The following STOX1 variants were observed in gnomAD, a reference collection of about 807,000 sequenced individuals.
STOX1 encodes the protein storkhead box 1, also known as storkhead-box protein 1.
Under a neutral mutation model 74.8 loss-of-function variants are expected in STOX1, and 57 were observed. The ratio of observed to expected loss-of-function variants is 0.76; its 90% CI spans 0.62 to 0.95. The LOEUF (loss-of-function observed/expected upper bound fraction) is 0.95. STOX1 is among the 40% of genes least tolerant of loss of function. The pLI, the probability that STOX1 is intolerant of heterozygous loss-of-function variation, is 0.00. For synonymous variants in STOX1, 375 were observed against 401.3 expected, an observed-to-expected ratio of 0.93 and a Z score of 0.78; for missense variants, 1,010 against 1,117.0, an observed-to-expected ratio of 0.90 and a Z score of 1.37.
At chr10:68,831,916 T>A (rs1839421918) in intron 1 of STOX1, among the ~76,000 whole-genome samples, 1 of 119,500 alleles carries the variant, frequency 8.4e-6, no homozygotes, top group Non-Finnish European at 1.8e-5. Context: ...AATGTTGTAT[T>A]TTCTTTTCTT....
intron 1 of STOX1, among the ~76,000 whole-genome samples, chr10:68,865,938 C>G (rs1053020725): frequency 3.3e-5 from 5 of 152,074 alleles, no homozygotes; most frequent in Non-Finnish European, 5.9e-5. Context: ...GGGATAGGAT[C>G]TGGAGGCTTA....
At chr10:68,851,648 C>T (rs113743246) in intron 1 of STOX1, among the ~76,000 whole-genome samples, 9,012 of 152,164 alleles carry the variant, frequency 0.059, 346 homozygotes, top group Non-Finnish European at 0.086. Flanking sequence ...CAAGACCAGC[C>T]TAGCCAACAT....
At chr10:68,876,491 G>A (rs1012791053) in intron 1 of STOX1, among the ~76,000 whole-genome samples, 9 of 136,876 alleles carry the variant, frequency 6.6e-5, no homozygotes, top group Non-Finnish European at 1.1e-4. Context: ...AAATCCTTTC[G>A]TAGTACAGCA....
At chr10:68,865,372 G>C (rs567393083) in intron 1 of STOX1, among the ~76,000 whole-genome samples, 1 of 152,188 alleles carries the variant, frequency 6.6e-6, no homozygotes, top group African/African-American at 2.4e-5. Flanking sequence ...GTTTTTGGCC[G>C]GGCGCAGTGG....
At chr10:68,847,920 G>A (rs1412394228) in intron 1 of STOX1, among the ~76,000 whole-genome samples, 2 of 152,058 alleles carry the variant, frequency 1.3e-5, no homozygotes, top group African/African-American at 2.4e-5. Context: ...TAGTAGAGAC[G>A]GGGTTTCTCC....
intron 1 of STOX1, among the ~76,000 whole-genome samples, chr10:68,835,657 G>A (rs1839529047): frequency 1.3e-5 from 2 of 152,236 alleles, no homozygotes; most frequent in Non-Finnish European, 2.9e-5. Flanking sequence ...TGCCTGGCCT[G>A]TTTTTAAACA....
intron 1 of STOX1, among the ~76,000 whole-genome samples, chr10:68,876,235 G>A (rs1418703094): frequency 1.3e-5 from 2 of 151,646 alleles, no homozygotes; most frequent in South Asian, 2.1e-4. Flanking sequence ...TCGGCTCACC[G>A]CAACCTCTGC....
Position 68,886,497 on chromosome 10 carries a change from T to G in STOX1, c.2701T>G (p.Phe901Val), listed in dbSNP as rs1840962320. The G allele has an allele frequency of 6.2e-7, 1 of 1,613,772 alleles. No homozygotes were observed. The highest frequency in any genetic ancestry group is 8.5e-7 in the Non-Finnish European group (1 of 1,179,934). ...AATGAGAAAACATTTCCCACAAAAGTTCCAACTTTTCAACACTTCACATAT... is the reference window on the plus strand; with the variant it reads ...AATGAGAAAACATTTCCCACAAAAGGTCCAACTTTTCAACACTTCACATAT... ...QEMRKHFPQK[F>V]QLFNTSHMPV... The change falls in exon 3 of 4, where the codon TTC (phenylalanine) becomes GTC (valine). Residue 901 changes from phenylalanine (F) to valine (V), a missense_variant. Phe to Val is a conservative substitution (Grantham distance 50). Transcript: ENST00000298596.
intron 1 of STOX1, among the ~76,000 whole-genome samples, chr10:68,867,231 C>G (rs375871164): frequency 1.9e-4 from 29 of 152,108 alleles, no homozygotes; most frequent in East Asian, 1.3e-3. Context: ...AGGTGTGAGC[C>G]ACCGTGCCTG....
chr10:68,843,747 CAG>C (rs918982127), intron 1 of STOX1, among the ~76,000 whole-genome samples: 3 of 152,038 alleles, frequency 2.0e-5, no homozygotes, highest in Admixed American at 2.0e-4. Context: ...TAAGTAGAGA[CAG>C]AGTTTCACCA....
chr10:68,865,949 A>G (rs188089270), intron 1 of STOX1, among the ~76,000 whole-genome samples: 151 of 152,218 alleles, frequency 9.9e-4, no homozygotes, highest in African/African-American at 3.4e-3. Flanking sequence ...TGGAGGCTTA[A>G]CAATGGCCAC....
chr10:68,849,860 T>G (rs1839936816), intron 1 of STOX1, among the ~76,000 whole-genome samples: 1 of 152,208 alleles, frequency 6.6e-6, no homozygotes, highest in Non-Finnish European at 1.5e-5. Context: ...CCGAATCCTC[T>G]TCTCCTAAAC....
chr10:68,856,770 G>A (rs1157150844), intron 1 of STOX1, among the ~76,000 whole-genome samples: 2 of 152,054 alleles, frequency 1.3e-5, no homozygotes, highest in Non-Finnish European at 2.9e-5. Context: ...AGGAGACAGC[G>A]ACAGAAACTT....
chr10:68,884,957 G>GA lies in STOX1; in HGVS notation c.1167dup (p.Tyr390IlefsTer2), dbSNP rs777713498. ...TCCTAATGCAAAAATACGAAGAACA[G>GA]AAAAAATATAATAGCCAGGGCACTT... On this transcript the variant is annotated frameshift_variant, in exon 3 of 4. Coordinates refer to ENST00000298596, the MANE Select transcript of STOX1 (RefSeq NM_152709.5). LOFTEE classifies it high-confidence loss of function. The GA allele has an allele frequency of 1.9e-6, 3 of 1,614,074 alleles. No homozygotes were observed. Among genetic ancestry groups the GA allele is most frequent in the Non-Finnish European group, 1.7e-6 (2 of 1,180,014 alleles).
At chr10:68,846,127 T>TATTATC (rs989517274) in intron 1 of STOX1, among the ~76,000 whole-genome samples, 4 of 95,616 alleles carry the variant, frequency 4.2e-5, no homozygotes, top group African/African-American at 1.6e-4. Context: ...TTTTTATTAT[T>TATTATC]ATTATTATTA....
At position 68,856,500 on chromosome 10, in the gene STOX1, G is replaced by A. The variant is rs1192383169; in HGVS notation, c.311-25458G>A. On this transcript the variant is annotated intron_variant, in intron 1 of 3. Transcript: ENST00000298596. ...ATCCGTCTCCCACGTGGGCACGAGG[G>A]TGCTAGTACCTGACACAACTATCAA... 2.0e-5 allele frequency among the ~76,000 whole-genome samples: 3 copies of A among 152,052 alleles called. 1 individual carries two copies. The highest frequency in any genetic ancestry group is 1.3e-4 in the Admixed American group (2 of 15,286).
At chr10:68,895,137 T>C (rs1458017159), downstream of STOX1, 2 of 152,226 alleles carry the variant, frequency 1.3e-5, no homozygotes, top group East Asian at 1.9e-4. Context: ...TTTACTGATA[T>C]GTTGGAGGGC....
At chr10:68,834,555 A>G (rs1473409496) in intron 1 of STOX1, among the ~76,000 whole-genome samples, 1 of 152,180 alleles carries the variant, frequency 6.6e-6, no homozygotes, top group Non-Finnish European at 1.5e-5. Flanking sequence ...ATTTAGGGAA[A>G]TGCACACATC....
chr10:68,876,219 G>A (rs982478599), intron 1 of STOX1, among the ~76,000 whole-genome samples: 1 of 151,372 alleles, frequency 6.6e-6, no homozygotes, highest in African/African-American at 2.4e-5. Context: ...GTGCAATGGC[G>A]CGATCTCGGC....
Sources: allele counts gnomAD v4.1 joint callset (sites outside exome capture counted in the v4.1 genomes callset), GRCh38; gene constraint gnomAD v4.1.1; transcripts MANE v1.5; gene names NCBI Gene and HGNC (gene_info 2026-07-23, HGNC 2026-07-21).